The following SNX24 variants were observed in gnomAD, a reference collection of about 807,000 sequenced individuals.
SNX24 encodes sorting nexin-24.
Under a neutral mutation model 28.7 loss-of-function variants are expected in SNX24, and 22 were observed. The observed-to-expected ratio is 0.77, with a 90% CI of 0.55 to 1.10. The LOEUF (loss-of-function observed/expected upper bound fraction) is 1.10. Among genes scored for constraint, SNX24 ranks in the 50% least tolerant of loss-of-function variants. The pLI is 0.00. For missense variants in SNX24, 221 were observed against 201.1 expected (o/e 1.10, Z -0.60); for synonymous variants, 69 against 71.5 (o/e 0.96, Z 0.18).
In SNX24 at chr5:123,014,605, C is replaced by T. The variant is rs140293713; in HGVS notation, n.383+12601C>T. ...ATTAAACCAAGCTCCATGCTAACAG[C>T]AGCCTCCTCCCAGGGCTCTTTGATT... On this transcript the variant is annotated intron_variant and non_coding_transcript_variant, in intron 5 of 5. Coordinates refer to the SNX24 transcript ENST00000502387. 9.9e-5 allele frequency among the ~76,000 whole-genome samples: 15 copies of T among 152,274 alleles called. No individual in the cohort carries two copies. In the East Asian group the frequency reaches 2.5e-3, roughly 25 times the overall value.
intron 1 of SNX24, among the ~76,000 whole-genome samples, chr5:122,920,221 G>T (rs1252915961): frequency 6.6e-6 from 1 of 152,182 alleles, no homozygotes; most frequent in Non-Finnish European, 1.5e-5. Context: ...GAGAACTGTT[G>T]TCTGGCCAGA....
chr5:123,024,022 A>G (rs759853666), intron 5 of SNX24: 1 of 1,609,892 alleles, frequency 6.2e-7, no homozygotes, highest in South Asian at 1.1e-5. Context: ...AGAAAAGTAG[A>G]CACATGGTTT....
rs190683413 is a variant in SNX24 at position 122,947,819 on chromosome 5, T to A, written c.249+1660T>A. Among the ~76,000 whole-genome samples the A allele has an allele frequency of 5.5e-3, 831 of 152,382 alleles. 1 individual carries two copies. The highest frequency in any genetic ancestry group is 7.4e-3 in the Non-Finnish European group (503 of 68,030). ...CAGATTTTCCATGATATTGTATATC[T>A]TCAAGCTTTAGTTCTGAAGAAAGCT... is the stretch of plus-strand genomic sequence containing the variant. On this transcript the variant is annotated intron_variant, in intron 3 of 6. Coordinates refer to ENST00000261369, the MANE Select transcript of SNX24 (RefSeq NM_014035.4).
At chr5:122,853,195 C>T (rs926985408) in intron 1 of SNX24, among the ~76,000 whole-genome samples, 1 of 129,564 alleles carries the variant, frequency 7.7e-6, no homozygotes, top group East Asian at 2.7e-4. Context: ...GGCACGATCT[C>T]GGCTCACTGC....
At chr5:122,904,322 A>G (rs1277789407) in intron 1 of SNX24, among the ~76,000 whole-genome samples, 1 of 152,030 alleles carries the variant, frequency 6.6e-6, no homozygotes, top group Non-Finnish European at 1.5e-5. Flanking sequence ...AGCTGGGATT[A>G]CAGGCATGTG....
chr5:122,915,410 G>A (rs1018128092), intron 1 of SNX24, among the ~76,000 whole-genome samples: 2 of 152,118 alleles, frequency 1.3e-5, no homozygotes, highest in Non-Finnish European at 2.9e-5. Flanking sequence ...GTGATTGCTT[G>A]AGCCCAGGAG....
chr5:123,028,706 G>C lies in SNX24; in HGVS notation n.384-532G>C, dbSNP rs1008921481. The C allele has an allele frequency of 4.8e-6, 6 of 1,252,250 alleles. No individual in the cohort carries two copies. The Admixed American group carries it at 9.8e-5, about 20-fold the overall frequency. The allele number at this position is 1,252,250 out of a possible 1,614,324, so 77.6% of individuals were successfully genotyped here. A position where few individuals can be genotyped will look rare whatever the true frequency, so the allele number is the denominator to read the frequency against. ...CTTAGCTCTGGATTTCAACAGACTG[G>C]GTTCATATACTGGCTTAACCTTAGA... On this transcript the variant is annotated intron_variant and non_coding_transcript_variant, in intron 5 of 5. Coordinates refer to the SNX24 transcript ENST00000502387.
At chr5:122,857,785 C>T (rs1179274773) in intron 1 of SNX24, among the ~76,000 whole-genome samples, 1 of 151,818 alleles carries the variant, frequency 6.6e-6, no homozygotes, top group Non-Finnish European at 1.5e-5. Flanking sequence ...GTATATGTAC[C>T]ACCTTTTCTT....
chr5:123,001,324 G>T, intron 4 of SNX24, 81 bp from the exon 5 acceptor site: 1 of 863,050 alleles, frequency 1.2e-6, no homozygotes, highest in East Asian at 2.5e-5. Context: ...TAATAATATT[G>T]GGTATTTTTT....
intron 2 of SNX24, among the ~76,000 whole-genome samples, chr5:122,937,589 G>C (rs1759233906): frequency 6.6e-6 from 1 of 152,120 alleles, no homozygotes. Context: ...CCGTTAACAG[G>C]ATAAACTTAT....
chr5:122,975,849 A>G (rs1019013046), intron 3 of SNX24, among the ~76,000 whole-genome samples: 1 of 152,234 alleles, frequency 6.6e-6, no homozygotes, highest in Admixed American at 6.5e-5. Flanking sequence ...TGGTAAGGGT[A>G]CAAAGGAATA....
At chr5:122,904,305 C>T (rs1470670677) in intron 1 of SNX24, among the ~76,000 whole-genome samples, 1 of 152,118 alleles carries the variant, frequency 6.6e-6, no homozygotes, top group African/African-American at 2.4e-5. Context: ...GTCTCAGCCT[C>T]CCCAGTAGCT....
chr5:122,868,419 G>A (rs370466039), intron 1 of SNX24, among the ~76,000 whole-genome samples: 7 of 152,228 alleles, frequency 4.6e-5, no homozygotes, highest in African/African-American at 1.7e-4. Flanking sequence ...CAGGGTAAGC[G>A]CTGTTTCTCA....
At chr5:122,952,267 A>C (rs935726164) in intron 3 of SNX24, among the ~76,000 whole-genome samples, 2 of 152,184 alleles carry the variant, frequency 1.3e-5, no homozygotes, top group Non-Finnish European at 2.9e-5. Context: ...TGCCTAGGCT[A>C]CTCATTCTAT....
intron 1 of SNX24, among the ~76,000 whole-genome samples, chr5:122,925,678 C>G (rs1443431746): frequency 6.6e-6 from 1 of 152,288 alleles, no homozygotes; most frequent in Admixed American, 6.5e-5. Flanking sequence ...TCTATTATGT[C>G]TAACTTATTG....
chr5:123,012,673 C>G (rs914346375), downstream of SNX24, among the ~76,000 whole-genome samples: 4 of 152,170 alleles, frequency 2.6e-5, no homozygotes, highest in Non-Finnish European at 4.4e-5. Context: ...TATTTTACCA[C>G]AATAAAAACA....
chr5:122,974,835 C>T (rs887049968), intron 3 of SNX24, among the ~76,000 whole-genome samples: 2 of 152,198 alleles, frequency 1.3e-5, no homozygotes, highest in Non-Finnish European at 2.9e-5. Context: ...GGCTTCCATT[C>T]GGCCTTCCCA....
At chr5:122,882,449 G>GA (rs1037043401) in intron 1 of SNX24, among the ~76,000 whole-genome samples, 2 of 152,234 alleles carry the variant, frequency 1.3e-5, no homozygotes, top group African/African-American at 4.8e-5. Flanking sequence ...AACTCTTGGA[G>GA]ATTGGACTTG....
chr5:123,028,517 A>G (rs1450867703), intron 5 of SNX24: 2 of 375,976 alleles, frequency 5.3e-6, no homozygotes, highest in Non-Finnish European at 9.4e-6. Flanking sequence ...TGGTATTTTA[A>G]TAACTGCAAA....
Sources: allele counts gnomAD v4.1 joint callset (sites outside exome capture counted in the v4.1 genomes callset), GRCh38; gene constraint gnomAD v4.1.1; transcripts MANE v1.5; gene names NCBI Gene and HGNC (gene_info 2026-07-23, HGNC 2026-07-21).